EHBP1: variants seen among roughly 807,000 people sequenced by gnomAD.
EHBP1 encodes the protein EH domain-binding protein 1.
A neutral mutation model predicts 144.0 loss-of-function variants in EHBP1; 55 were observed. That is an observed-to-expected ratio of 0.38 (90% CI 0.31 to 0.48). The LOEUF is 0.48. Ranked by LOEUF, EHBP1 falls within the 20% of genes least tolerant of loss-of-function variation. The pLI is 0.98. For missense variants in EHBP1, 1,200 were observed against 1,364.2 expected, an observed-to-expected ratio of 0.88 and a Z score of 1.90; for synonymous variants, 469 against 472.7, an observed-to-expected ratio of 0.99 and a Z score of 0.10.
chr2:62,743,094 C>T (rs912114095), intron 2 of EHBP1, among the ~76,000 whole-genome samples: 6 of 151,940 alleles, frequency 3.9e-5, no homozygotes, highest in African/African-American at 9.7e-5. Context: ...CTTATTATAT[C>T]GTATAGAAAT....
At chr2:62,962,132 C>T (rs1272093300) in intron 14 of EHBP1, among the ~76,000 whole-genome samples, 1 of 152,078 alleles carries the variant, frequency 6.6e-6, no homozygotes, top group Non-Finnish European at 1.5e-5. Flanking sequence ...CGAGACTAGC[C>T]TGGCTAACAT....
intron 6 of EHBP1, among the ~76,000 whole-genome samples, chr2:62,829,571 TTG>T (rs56847662): frequency 0.67 from 95,014 of 142,310 alleles, 32,976 homozygotes; most frequent in African/African-American, 0.87. Flanking sequence ...GTGTTCTATG[TTG>T]TGTGTGTGTG....
chr2:62,698,673 C>T (rs2034182335), intron 1 of EHBP1, among the ~76,000 whole-genome samples: 1 of 152,222 alleles, frequency 6.6e-6, no homozygotes, highest in Non-Finnish European at 1.5e-5. Context: ...GTCATCTTTG[C>T]TTCCCAGGCT....
rs1480172861 is a variant in EHBP1 at position 62,943,810 on chromosome 2, A to T, written c.1373A>T (p.Lys458Met). ...HHFRPDLIDY[K>M]SLNPQDIKEN... ...GCTATTTTCTCCCTCAGTGACTACA[A>T]GTCTCTGAATCCTCAAGATATTAAA... Residue 458 changes from lysine to methionine, a missense_variant, in exon 12 of 23, where the codon AAG becomes ATG. Coordinates refer to ENST00000431489, the MANE Select transcript of EHBP1 (RefSeq NM_001142616.3). The T allele has an allele frequency of 1.2e-6, 2 of 1,601,858 alleles. No individual in the cohort carries two copies. The highest frequency in any genetic ancestry group is 4.5e-5 in the East Asian group (2 of 44,402).
rs569238488 is a variant in EHBP1, at chr2:62,956,943, CT to C, written c.2460+1285del. Among the ~76,000 whole-genome samples, 376 of 152,290 alleles carry C rather than the reference CT, an allele frequency of 2.5e-3. 7 individuals are homozygous for C. The highest frequency in any genetic ancestry group is 0.023 in the Admixed American group (347 of 15,296). On this transcript the variant is annotated intron_variant, in intron 14 of 22. Transcript: ENST00000431489. ...GGCTTCCTCATAGCATGGTGGCTGA[CT>C]TCCAAGAACAAGTGTCCCAATGGAA...
chr2:63,006,784 C>T (rs1323223511), intron 19 of EHBP1, among the ~76,000 whole-genome samples: 1 of 151,476 alleles, frequency 6.6e-6, no homozygotes, highest in East Asian at 1.9e-4. Context: ...TGAAAGAGTT[C>T]AGTACATTTG....
chr2:62,789,796 A>G (rs2043053676), intron 5 of EHBP1, among the ~76,000 whole-genome samples: 1 of 152,176 alleles, frequency 6.6e-6, no homozygotes. Flanking sequence ...CCCACACTAA[A>G]TATGAAACCT....
intron 5 of EHBP1, among the ~76,000 whole-genome samples, chr2:62,801,877 C>T (rs998806349): frequency 6.6e-6 from 1 of 152,166 alleles, no homozygotes; most frequent in African/African-American, 2.4e-5. Context: ...GAGATTTGTA[C>T]TAAAAAATAT....
chr2:62,874,602 T>C, intron 10 of EHBP1, 70 bp downstream of exon 10: 1 of 1,350,014 alleles, frequency 7.4e-7, no homozygotes, highest in South Asian at 1.5e-5. Flanking sequence ...TTAATTTAAA[T>C]TAAGAAAAGT....
intron 10 of EHBP1, among the ~76,000 whole-genome samples, chr2:62,895,919 T>C (rs1250876759): frequency 1.3e-5 from 2 of 152,184 alleles, no homozygotes; most frequent in Admixed American, 6.5e-5. Flanking sequence ...TCAAAAAATA[T>C]TGAGTACTGA....
intron 1 of EHBP1, chr2:62,674,193 T>C (rs1558500874): frequency 4.3e-6 from 2 of 464,482 alleles, no homozygotes; most frequent in African/African-American, 4.0e-5. Context: ...TAGATTTTCA[T>C]GTGTGTGTAT....
At chr2:62,829,075 G>A (rs557186166) in intron 6 of EHBP1, among the ~76,000 whole-genome samples, 33 of 151,030 alleles carry the variant, frequency 2.2e-4, no homozygotes, top group African/African-American at 7.8e-4. Flanking sequence ...TCACACTGCT[G>A]TACTCCAGCC....
chr2:63,014,297 A>T (rs1413090139), intron 19 of EHBP1, among the ~76,000 whole-genome samples: 1 of 152,216 alleles, frequency 6.6e-6, no homozygotes, highest in Non-Finnish European at 1.5e-5. Flanking sequence ...CTTTAGCTGT[A>T]TTAAATGCTT....
At chr2:62,945,331 G>A (rs937483711) in intron 12 of EHBP1, among the ~76,000 whole-genome samples, 4 of 152,064 alleles carry the variant, frequency 2.6e-5, no homozygotes, top group African/African-American at 9.7e-5. Flanking sequence ...ATTCTGAGAA[G>A]GGACCCATTG....
intron 1 of EHBP1, among the ~76,000 whole-genome samples, chr2:62,687,299 A>G (rs190783589): frequency 1.6e-4 from 24 of 152,284 alleles, no homozygotes; most frequent in African/African-American, 4.6e-4. Context: ...CATTTTTCCT[A>G]TTGATGGAAG....
In EHBP1 at chr2:62,955,787, C is replaced by G; in HGVS notation, c.2460+127C>G. ...CTGTACATTGTGAATACTTGGTGCACTTACTGAACTGATAAAGATAAATTC... is the reference window on the plus strand; with the variant it reads ...CTGTACATTGTGAATACTTGGTGCAGTTACTGAACTGATAAAGATAAATTC... On this transcript the variant is annotated intron_variant, in intron 14 of 22. Transcript: ENST00000431489. 4 of 931,706 alleles carry G rather than the reference C, an allele frequency of 4.3e-6. 1 individual carries two copies. Among genetic ancestry groups the G allele is most frequent in the South Asian group, 2.4e-5 (1 of 41,420 alleles). 57.7% of individuals were successfully genotyped at this position (931,706 alleles called of 1,614,324 possible). A position where few individuals can be genotyped will look rare whatever the true frequency, so the allele number is the denominator to read the frequency against.
chr2:62,885,021 T>G (rs1045742955), intron 10 of EHBP1, among the ~76,000 whole-genome samples: 1 of 152,236 alleles, frequency 6.6e-6, no homozygotes, highest in African/African-American at 2.4e-5. Flanking sequence ...TTAAACCTTT[T>G]GGATAAAAAA....
intron 2 of EHBP1, among the ~76,000 whole-genome samples, chr2:62,714,388 TA>T (rs1045735791): frequency 6.6e-6 from 1 of 152,198 alleles, no homozygotes; most frequent in Non-Finnish European, 1.5e-5. Flanking sequence ...ACTACATAAG[TA>T]ACAGAGAAGA....
rs184162228 is a variant in EHBP1 at position 62,917,442 on chromosome 2, G to A, written c.1186-25276G>A. 4.9e-4 allele frequency among the ~76,000 whole-genome samples: 74 copies of A among 152,084 alleles called. 1 individual carries two copies. The highest frequency in any genetic ancestry group is 1.2e-3 in the African/African-American group (49 of 41,472). On this transcript the variant is annotated intron_variant, in intron 10 of 22. Coordinates refer to ENST00000431489, the MANE Select transcript of EHBP1 (RefSeq NM_001142616.3). ...TATGTATATTAATATAAACAGATGCGCACGTGTGCACACAGATGCACATGT... is the reference window on the plus strand; with the variant it reads ...TATGTATATTAATATAAACAGATGCACACGTGTGCACACAGATGCACATGT...
Sources: gnomAD v4.1 joint callset for allele counts (sites outside exome capture counted in the v4.1 genomes callset) on GRCh38, gnomAD v4.1.1 for gene constraint, MANE v1.5 for transcripts, NCBI Gene and HGNC (gene_info 2026-07-23, HGNC 2026-07-21) for gene names.